HMCN1: variants seen among roughly 807,000 people sequenced by gnomAD.
HMCN1 encodes the protein hemicentin 1.
In HMCN1, 321 loss-of-function variants were observed where a neutral mutation model predicts 625.9. That is an observed-to-expected ratio of 0.51 (90% CI 0.47 to 0.56). The LOEUF (loss-of-function observed/expected upper bound fraction) is 0.56. Among genes scored for constraint, HMCN1 ranks in the 20% least tolerant of loss-of-function variants. The probability of loss-of-function intolerance (pLI) is 0.00; values close to 1 mark genes in which losing one functional copy is unlikely to be tolerated. For synonymous variants in HMCN1, 2,425 were observed against 2,417.6 expected (o/e 1.00, Z -0.09); for missense variants, 6,588 against 6,887.3 (o/e 0.96, Z 1.54).
chr1:185,918,674 T>A (rs1399176159), intron 6 of HMCN1, among the ~76,000 whole-genome samples: 1 of 152,158 alleles, frequency 6.6e-6, no homozygotes, highest in Non-Finnish European at 1.5e-5. Flanking sequence ...GCCTGTGTAT[T>A]CCTGACTCAG....
chr1:185,761,878 C>T (rs1473437782), intron 1 of HMCN1, among the ~76,000 whole-genome samples: 1 of 151,932 alleles, frequency 6.6e-6, no homozygotes, highest in African/African-American at 2.4e-5. Context: ...AATTAATCCC[C>T]CCAGGTGCTA....
At chr1:186,160,518 G>T (rs1651384496) in intron 97 of HMCN1, among the ~76,000 whole-genome samples, 1 of 151,412 alleles carries the variant, frequency 6.6e-6, no homozygotes, top group African/African-American at 2.4e-5. Flanking sequence ...ATGTTAGGGT[G>T]TCAATTTTGG....
intron 11 of HMCN1, among the ~76,000 whole-genome samples, chr1:185,956,918 A>G (rs191254054): frequency 3.3e-5 from 5 of 152,354 alleles, no homozygotes; most frequent in Admixed American, 2.0e-4. Context: ...GACAAAATAT[A>G]TATTTCACGA....
At chr1:185,756,145 C>T (rs1053183869) in intron 1 of HMCN1, among the ~76,000 whole-genome samples, 2 of 152,120 alleles carry the variant, frequency 1.3e-5, no homozygotes, top group African/African-American at 4.8e-5. Context: ...GGTTTAGAAT[C>T]TGGAGAGATT....
chr1:186,114,187 C>G, intron 73 of HMCN1, 64 bp downstream of exon 73: 1 of 1,542,848 alleles, frequency 6.5e-7, no homozygotes. Flanking sequence ...AATTTTTTTT[C>G]CTAGTGCACT....
chr1:185,933,766 T>C lies in HMCN1; in HGVS notation c.1770T>C (p.His590=), dbSNP rs1453135953. 1 of 1,613,806 alleles carries C rather than the reference T, an allele frequency of 6.2e-7. No individual in the cohort carries two copies. The highest frequency in any genetic ancestry group is 1.3e-5 in the African/African-American group (1 of 74,906). The change falls in exon 11 of 107, where the codon CAT becomes CAC. Residue 590 remains histidine, a synonymous_variant. Coordinates refer to ENST00000271588, the MANE Select transcript of HMCN1 (RefSeq NM_031935.3). ...AATTCAACGATGCTGGAGAGTATCA[T>C]TGTATGGTTTCTAGTGAAGGTGGAT... The part of the protein sequence containing the change: ...SVKFNDAGEY[H]CMVSSEGGSS...
intron 1 of HMCN1, among the ~76,000 whole-genome samples, chr1:185,783,139 G>A (rs80011686): frequency 3.3e-5 from 5 of 151,858 alleles, no homozygotes; most frequent in African/African-American, 7.3e-5. Context: ...TCATCGAATC[G>A]GCTACTGAAG....
At chr1:186,034,615 G>C (rs970934277) in intron 36 of HMCN1, among the ~76,000 whole-genome samples, 2 of 152,100 alleles carry the variant, frequency 1.3e-5, no homozygotes, top group Non-Finnish European at 2.9e-5. Flanking sequence ...TTCCTTCTGT[G>C]TCTGCTAGGC....
intron 1 of HMCN1, among the ~76,000 whole-genome samples, chr1:185,776,570 TA>T (rs933113401): frequency 4.6e-5 from 7 of 151,500 alleles, no homozygotes; most frequent in South Asian, 2.1e-4. Context: ...TTTCTTGTAA[TA>T]AAAAAAAATT....
rs1660477792 is a variant in HMCN1 at position 186,103,527 on chromosome 1, T to C, written c.10629T>C (p.Asn3543=). Residue 3543 remains asparagine (N), a synonymous_variant, in exon 69 of 107, where the codon AAT becomes AAC. Transcript: ENST00000271588. ...ATGAAGAGATATCAGTAATTGTTAA[T>C]AACCCACTTGAACTTACCTGCATTG... ...EEHEEISVIV[N]NPLELTCIAS... is the part of the protein sequence containing the mutation. 1 of 1,613,726 alleles carries C rather than the reference T, an allele frequency of 6.2e-7. No individual in the cohort carries two copies.
At chr1:186,146,047 C>T (rs1025414639) in intron 93 of HMCN1, 124 bp downstream of exon 93, 17 of 927,272 alleles carry the variant, frequency 1.8e-5, no homozygotes, top group African/African-American at 5.0e-5. Context: ...AAAAAAAGTG[C>T]TTTCTTGCTC....
At chr1:185,793,383 T>C (rs929407031) in intron 1 of HMCN1, among the ~76,000 whole-genome samples, 4 of 152,208 alleles carry the variant, frequency 2.6e-5, no homozygotes, top group Non-Finnish European at 4.4e-5. Flanking sequence ...CTTCTGCTAC[T>C]ATTGTTAAAT....
rs773604771 is a variant in HMCN1 at position 186,070,769 on chromosome 1, C to CT, written c.8139+18dup. The CT allele has an allele frequency of 9.3e-6, 15 of 1,613,386 alleles. No homozygotes were observed. In the East Asian group the frequency reaches 3.3e-4, roughly 36 times the overall value. On this transcript the variant is annotated intron_variant, in intron 52 of 106. Coordinates refer to ENST00000271588, the MANE Select transcript of HMCN1 (RefSeq NM_031935.3). ...ACAAGGATGGACAGGCCAGTCACAA[C>CT]TTTTTTCATTTGCTGATGATTTCTT...
chr1:185,989,416 A>G, intron 20 of HMCN1, 72 bp from the exon 21 acceptor site: 2 of 1,549,514 alleles, frequency 1.3e-6, no homozygotes, highest in South Asian at 1.1e-5. Context: ...TCTTCCAGAC[A>G]TTGTCACTCT....
chr1:186,022,235 G>A (rs1205185462), intron 35 of HMCN1, among the ~76,000 whole-genome samples: 1 of 152,080 alleles, frequency 6.6e-6, no homozygotes, highest in African/African-American at 2.4e-5. Flanking sequence ...CATGAGTTTG[G>A]ATAAAAACTA....
chr1:185,742,810 T>G (rs1348195392), intron 1 of HMCN1, among the ~76,000 whole-genome samples: 3 of 152,108 alleles, frequency 2.0e-5, no homozygotes, highest in African/African-American at 4.8e-5. Flanking sequence ...GGTGAGTGAG[T>G]TTTATGTCAC....
intron 102 of HMCN1, among the ~76,000 whole-genome samples, chr1:186,173,785 A>ATCTTTC (rs1558281454): frequency 2.6e-5 from 4 of 152,178 alleles, no homozygotes; most frequent in Non-Finnish European, 4.4e-5. Flanking sequence ...GAAAGATCAG[A>ATCTTTC]AACTTTTTAA....
chr1:185,831,484 A>G (rs1660859333), intron 1 of HMCN1, among the ~76,000 whole-genome samples: 1 of 152,192 alleles, frequency 6.6e-6, no homozygotes, highest in African/African-American at 2.4e-5. Flanking sequence ...TTTTAGGAAC[A>G]AAACAGTAAT....
At chr1:186,140,027 T>C (rs1162542991) in intron 89 of HMCN1, among the ~76,000 whole-genome samples, 2 of 152,164 alleles carry the variant, frequency 1.3e-5, no homozygotes, top group African/African-American at 4.8e-5. Flanking sequence ...GATAATTATT[T>C]CTATGTAACA....
Sources: gnomAD v4.1 joint callset for allele counts (sites outside exome capture counted in the v4.1 genomes callset) on GRCh38, gnomAD v4.1.1 for gene constraint, MANE v1.5 for transcripts, NCBI Gene and HGNC (gene_info 2026-07-23, HGNC 2026-07-21) for gene names.